DNAH8: variants seen among roughly 807,000 people sequenced by gnomAD.
The protein encoded by DNAH8 is dynein axonemal heavy chain 8, also known as axonemal beta dynein heavy chain 8.
DNAH8 carries 382 observed loss-of-function variants against 562.1 expected under a neutral mutation model. That is an observed-to-expected ratio of 0.68 (90% confidence interval 0.63 to 0.74). The LOEUF is 0.74. Among genes scored for constraint, DNAH8 ranks in the 30% least tolerant of loss-of-function variants. DNAH8 has a pLI of 0.00. For missense variants in DNAH8, 5,203 were observed against 5,620.4 expected (o/e 0.93, Z 2.37); for synonymous variants, 1,881 against 1,919.4 (o/e 0.98, Z 0.52).
At chr6:38,772,971 C>CTTTGTTTTTTTTTTTTT (rs1767713003) in intron 12 of DNAH8, among the ~76,000 whole-genome samples, 1 of 88,088 alleles carries the variant, frequency 1.1e-5, no homozygotes, top group African/African-American at 5.2e-5. Context: ...GCTAATTAAA[C>CTTTGTTTTTTTTTTTTT]TTTTTTTTTT....
intron 26 of DNAH8, among the ~76,000 whole-genome samples, chr6:38,816,386 T>C (rs1256954301): frequency 6.6e-6 from 1 of 152,214 alleles, no homozygotes; most frequent in African/African-American, 2.4e-5. Context: ...GGCTTCCGGC[T>C]CCATCTATGT....
intron 36 of DNAH8, 45 bp from the exon 37 acceptor site, chr6:38,848,603 C>A: frequency 6.6e-7 from 1 of 1,510,518 alleles, no homozygotes; most frequent in Non-Finnish European, 9.1e-7. Context: ...ATACTATTTT[C>A]TGAATCTTCT....
At chr6:38,752,072 C>G (rs1034325086) in intron 9 of DNAH8, among the ~76,000 whole-genome samples, 2 of 152,184 alleles carry the variant, frequency 1.3e-5, no homozygotes, top group Admixed American at 1.3e-4. Context: ...ATCTAGCTAT[C>G]TGTAGCATTA....
At chr6:38,907,544 T>C (rs1383418701) in intron 63 of DNAH8, among the ~76,000 whole-genome samples, 1 of 152,034 alleles carries the variant, frequency 6.6e-6, no homozygotes, top group Non-Finnish European at 1.5e-5. Context: ...AGCATACCCT[T>C]TTCAAGATTA....
At chr6:38,734,352 G>A in intron 4 of DNAH8, 122 bp from the exon 5 acceptor site, 5 of 910,366 alleles carry the variant, frequency 5.5e-6, no homozygotes, top group Non-Finnish European at 5.8e-6. Context: ...ATTATTCTAT[G>A]ACCGTATTGA....
At chr6:38,897,386 G>GA (rs964620525) in intron 60 of DNAH8, among the ~76,000 whole-genome samples, 1 of 152,060 alleles carries the variant, frequency 6.6e-6, no homozygotes, top group African/African-American at 2.4e-5. Flanking sequence ...TTACTATCTT[G>GA]CCCTTTACAG....
intron 18 of DNAH8, among the ~76,000 whole-genome samples, chr6:38,788,254 C>G (rs11962470): frequency 6.6e-6 from 1 of 151,872 alleles, no homozygotes; most frequent in Non-Finnish European, 1.5e-5. Context: ...TGGGTTCAAG[C>G]GATTCTCCTG....
At chr6:38,915,426 A>C (rs1164881246) in intron 68 of DNAH8, 49 bp downstream of exon 68, 1 of 1,364,976 alleles carries the variant, frequency 7.3e-7, no homozygotes, top group Admixed American at 3.1e-5. Flanking sequence ...AGAAGGCTTC[A>C]TGTTTCATTA....
chr6:38,931,013 T>A (rs1027837895), intron 75 of DNAH8, among the ~76,000 whole-genome samples: 1 of 152,160 alleles, frequency 6.6e-6, no homozygotes, highest in African/African-American at 2.4e-5. Context: ...TTTATCTGTG[T>A]CTGGCTTATC....
intron 10 of DNAH8, among the ~76,000 whole-genome samples, chr6:38,761,141 G>A (rs996532471): frequency 6.8e-6 from 1 of 146,298 alleles, no homozygotes; most frequent in African/African-American, 2.5e-5. Context: ...TTCAGTTTTA[G>A]GGTACATGTG....
chr6:38,819,524 G>C (rs1772619139), intron 26 of DNAH8, among the ~76,000 whole-genome samples: 1 of 152,074 alleles, frequency 6.6e-6, no homozygotes, highest in South Asian at 2.1e-4. Context: ...CTAGGAATAA[G>C]ACAGATTTTC....
chr6:38,887,165 A>G lies in DNAH8; in HGVS notation c.8473+161A>G, dbSNP rs561374665. ...GAGGGACTAAATACTAAGGTGACCT[A>G]TGCTTATAGCCTATTCTCAGACTCA... On this transcript the variant is annotated intron_variant, in intron 57 of 92. Transcript: ENST00000327475. Among the ~76,000 whole-genome samples, 11 of 152,310 alleles carry G rather than the reference A, an allele frequency of 7.2e-5. No homozygotes were observed. In the East Asian group the frequency reaches 1.2e-3, roughly 16 times the overall value.
intron 26 of DNAH8, 127 bp from the exon 27 acceptor site, chr6:38,822,711 C>T: frequency 2.9e-6 from 2 of 684,338 alleles, no homozygotes. Context: ...CTCAAAATAG[C>T]TCTTAGTTTC....
rs908150296 is a variant in DNAH8 at position 38,981,055 on chromosome 6, G to GTT, written c.12835-1290_12835-1289insTT. 1.2e-3 allele frequency among the ~76,000 whole-genome samples: 175 copies of GTT among 151,496 alleles called. 2 individuals are homozygous for GTT. Among genetic ancestry groups the GTT allele is most frequent in the African/African-American group, 3.8e-3 (157 of 41,116 alleles). On this transcript the variant is annotated intron_variant, in intron 85 of 92. Coordinates refer to ENST00000327475, the MANE Select transcript of DNAH8 (RefSeq NM_001206927.2). ...TGTGTGTGTGTGTGTGTGTGTGTGT[G>GTT]TGTGTGTTGAGTTGGGGAAGGCAGA... is the stretch of plus-strand genomic sequence containing the variant.
At chr6:38,904,314 C>A (rs1232905195) in intron 62 of DNAH8, among the ~76,000 whole-genome samples, 1 of 151,938 alleles carries the variant, frequency 6.6e-6, no homozygotes, top group Admixed American at 6.6e-5. Context: ...TAGAGAGGAA[C>A]CTTTTGTGGT....
chr6:38,982,633 C>T (rs1036276453), intron 86 of DNAH8, among the ~76,000 whole-genome samples, 171 bp downstream of exon 86: 1 of 152,178 alleles, frequency 6.6e-6, no homozygotes, highest in African/African-American at 2.4e-5. Context: ...TCCCTGCCCC[C>T]AACACTCACA....
At chr6:38,817,379 G>GGTAA (rs1170988758) in intron 26 of DNAH8, among the ~76,000 whole-genome samples, 1 of 152,114 alleles carries the variant, frequency 6.6e-6, no homozygotes, top group Non-Finnish European at 1.5e-5. Context: ...CAAGATACCA[G>GGTAA]GTAAGCTACA....
At chr6:38,763,189 T>TGGTGG in intron 11 of DNAH8, 1 of 224,046 alleles carries the variant, frequency 4.5e-6, no homozygotes, top group Non-Finnish European at 8.9e-6. Context: ...GATCATACAT[T>TGGTGG]TGGAAACTCA....
intron 53 of DNAH8, among the ~76,000 whole-genome samples, chr6:38,881,524 A>C (rs983575224): frequency 2.6e-5 from 4 of 151,760 alleles, no homozygotes; most frequent in Admixed American, 2.0e-4. Flanking sequence ...AGATGCTAAA[A>C]TGTAAATAAA....
Sources: allele counts gnomAD v4.1 joint callset (sites outside exome capture counted in the v4.1 genomes callset), GRCh38; gene constraint gnomAD v4.1.1; transcripts MANE v1.5; gene names NCBI Gene and HGNC (gene_info 2026-07-23, HGNC 2026-07-21).